The following RUFY4 variants were observed in gnomAD, a reference collection of about 807,000 sequenced individuals.
The protein encoded by RUFY4 is RUN and FYVE domain containing 4.
Under a neutral mutation model 69.0 loss-of-function variants are expected in RUFY4, and 73 were observed. The observed-to-expected ratio is 1.06, with a 90% CI of 0.88 to 1.29. RUFY4 has a LOEUF of 1.29. RUFY4 is among the 50% of genes most tolerant of loss of function. RUFY4 has a pLI of 0.00. For synonymous variants in RUFY4, 287 were observed against 271.8 expected (o/e 1.06, Z -0.55); for missense variants, 770 against 705.6 (o/e 1.09, Z -1.03).
At chr2:218,051,188 C>T (rs573691030) in intron 2 of RUFY4, among the ~76,000 whole-genome samples, 2 of 152,102 alleles carry the variant, frequency 1.3e-5, no homozygotes, top group African/African-American at 4.8e-5. Flanking sequence ...AATGCTGAAA[C>T]ATTAATTGTT....
chr2:218,075,003 T>A (rs1689588474), intron 6 of RUFY4, 90 bp from the exon 9 acceptor site: 1 of 1,332,598 alleles, frequency 7.5e-7, no homozygotes, highest in Non-Finnish European at 1.0e-6. Context: ...TTTAGCAAGC[T>A]GATTAGATTA....
Position 218,088,242 on chromosome 2 carries a change from C to T in RUFY4, c.1503-1010C>T, listed in dbSNP as rs188581613. On this transcript the variant is annotated intron_variant, in intron 9 of 10. Transcript: ENST00000344321. ...GGAATGGTGGTTCATGCCTGTAATC[C>T]CTGCACTTTGGGAGGTTGAGGCAGG... is the stretch of plus-strand genomic sequence containing the variant. 2.7e-3 allele frequency among the ~76,000 whole-genome samples: 403 copies of T among 151,698 alleles called. 1 individual carries two copies. The highest frequency in any genetic ancestry group is 9.3e-3 in the African/African-American group (384 of 41,368).
At chr2:218,048,941 T>C (rs1053943606) in intron 2 of RUFY4, among the ~76,000 whole-genome samples, 1 of 152,228 alleles carries the variant, frequency 6.6e-6, no homozygotes, top group African/African-American at 2.4e-5. Flanking sequence ...ATGGGTTAAG[T>C]TGGCTGATTG....
chr2:218,075,640 A>G (rs1689611838), exon 7 of RUFY4: 1 of 1,517,414 alleles, frequency 6.6e-7, no homozygotes, highest in African/African-American at 1.4e-5. Context: ...CACGCAACAA[A>G]GGAAGACTCT....
At position 218,076,502 on chromosome 2, in the gene RUFY4, G is replaced by C. The variant is rs201188631; in HGVS notation, c.1324G>C (p.Glu442Gln). Residue 442 changes from glutamate to glutamine, a missense_variant, in exon 8 of 11, where the codon GAG becomes CAG. Coordinates refer to ENST00000344321, the Ensembl canonical transcript of RUFY4. The stretch of plus-strand genomic sequence containing the variant: ...GCAGCTGCTGAGGGAGCAGGAGGGG[G>C]AGCTGCAGGCACTTCGGGAGCAGCT... 58 of 1,550,882 alleles carry C rather than the reference G, an allele frequency of 3.7e-5. No individual in the cohort carries two copies. In the African/African-American group the frequency reaches 6.9e-4, roughly 18 times the overall value.
chr2:218,068,312 G>T (rs997033357), upstream of RUFY4, among the ~76,000 whole-genome samples: 1 of 152,116 alleles, frequency 6.6e-6, no homozygotes, highest in East Asian at 1.9e-4. Context: ...TCCTGGACAG[G>T]GCCTCAGACA....
At chr2:218,079,212 G>C (rs569585809) in intron 8 of RUFY4, among the ~76,000 whole-genome samples, 1 of 152,188 alleles carries the variant, frequency 6.6e-6, no homozygotes. Context: ...CTGTTAGCAG[G>C]CAAGCTGAAC....
intron 8 of RUFY4, among the ~76,000 whole-genome samples, chr2:218,078,628 G>C (rs1472427429): frequency 1.3e-5 from 2 of 152,180 alleles, no homozygotes; most frequent in East Asian, 3.8e-4. Flanking sequence ...ATGTCAAAAA[G>C]ATGTTTACAT....
rs534159528 is a variant in RUFY4 at position 218,073,927 on chromosome 2, T to A, written c.600+42T>A. ...TTCACTCTGAGTTGCCTCTTCCCCATCTCCTTGGCATCCTCAAGTTGAGTA... is the reference window on the plus strand; with the variant it reads ...TTCACTCTGAGTTGCCTCTTCCCCAACTCCTTGGCATCCTCAAGTTGAGTA... On this transcript the variant is annotated intron_variant, in intron 6 of 10. Transcript: ENST00000344321. 5.7e-6 allele frequency: 9 copies of A among 1,592,518 alleles called. No homozygotes were observed. In the East Asian group the frequency reaches 1.8e-4, roughly 32 times the overall value.
At chr2:218,060,199 C>A (rs748451150) in intron 3 of RUFY4, 193 of 699,318 alleles carry the variant, frequency 2.8e-4, no homozygotes, top group Non-Finnish European at 2.9e-4. Context: ...CTAGTAAGAA[C>A]GTGGCCTCCT....
At chr2:218,083,215 C>G (rs747697005) in exon 9 of RUFY4, 1 of 1,612,790 alleles carries the variant, frequency 6.2e-7, no homozygotes, top group South Asian at 1.1e-5. Context: ...GGCAGCGGGA[C>G]TTGGTCCAGG....
At chr2:218,057,751 T>C (rs1689094432) in intron 2 of RUFY4, among the ~76,000 whole-genome samples, 1 of 152,228 alleles carries the variant, frequency 6.6e-6, no homozygotes, top group Non-Finnish European at 1.5e-5. Context: ...AGATTTGCCT[T>C]TTCAGGAAAC....
At chr2:218,079,506 C>T (rs945688850) in intron 8 of RUFY4, among the ~76,000 whole-genome samples, 10 of 152,100 alleles carry the variant, frequency 6.6e-5, no homozygotes, top group Non-Finnish European at 1.0e-4. Flanking sequence ...GAACACGTTA[C>T]GTTTGAGATA....
chr2:218,084,835 G>A (rs985605976), intron 9 of RUFY4, among the ~76,000 whole-genome samples: 7 of 152,136 alleles, frequency 4.6e-5, no homozygotes, highest in Non-Finnish European at 8.8e-5. Flanking sequence ...ATCACCTGAG[G>A]TCAGGAGTTC....
chr2:218,035,492 T>C (rs1379439749), intron 2 of RUFY4: 9 of 152,480 alleles, frequency 5.9e-5, no homozygotes, highest in Non-Finnish European at 1.0e-4. Context: ...CTGAATCCCA[T>C]GCCCCAGCCA....
At chr2:218,041,195 T>A (rs1688689793) in intron 2 of RUFY4, among the ~76,000 whole-genome samples, 1 of 152,176 alleles carries the variant, frequency 6.6e-6, no homozygotes, top group Non-Finnish European at 1.5e-5. Context: ...CTCAAAGACC[T>A]CTTTCTTGGA....
At chr2:218,076,487 A>C (rs1356970845) in exon 8 of RUFY4, 11 of 1,550,782 alleles carry the variant, frequency 7.1e-6, no homozygotes, top group Non-Finnish European at 9.6e-6. Flanking sequence ...GCAGCTGCTG[A>C]GGGAGCAGGA....
rs76247635 is a variant in RUFY4 at position 218,044,332 on chromosome 2, A to T, written c.-1158+8938A>T. Among the ~76,000 whole-genome samples the T allele has an allele frequency of 3.3e-3, 503 of 152,336 alleles. 3 individuals carry two copies. Among genetic ancestry groups the T allele is most frequent in the African/African-American group, 0.011 (458 of 41,574 alleles). On this transcript the variant is annotated intron_variant and NMD_transcript_variant, in intron 2 of 13. Coordinates refer to the RUFY4 transcript ENST00000457754. ...ATGTATGTAAATGCAAGAATAATAAATCTATATATGCTATAAAATATGATA... is the reference window on the plus strand; with the variant it reads ...ATGTATGTAAATGCAAGAATAATAATTCTATATATGCTATAAAATATGATA...
chr2:218,077,446 C>T (rs193272058), intron 8 of RUFY4, among the ~76,000 whole-genome samples: 111 of 152,314 alleles, frequency 7.3e-4, no homozygotes, highest in Non-Finnish European at 9.8e-4. Flanking sequence ...AATTCCTAGG[C>T]TCAAGCTTCA....
Sources: gnomAD v4.1 joint callset for allele counts (sites outside exome capture counted in the v4.1 genomes callset) on GRCh38, gnomAD v4.1.1 for gene constraint, MANE v1.5 for transcripts, NCBI Gene and HGNC (gene_info 2026-07-23, HGNC 2026-07-21) for gene names.